Variants in ADAMTS2 observed in about 807,000 individuals in gnomAD.
ADAMTS2 encodes the protein ADAM metallopeptidase with thrombospondin type 1 motif 2, also known as A disintegrin and metalloproteinase with thrombospondin motifs 2.
Under a neutral mutation model 123.0 loss-of-function variants are expected in ADAMTS2, and 50 were observed. The observed-to-expected ratio is 0.41, with a 90% confidence interval of 0.32 to 0.51. The LOEUF (loss-of-function observed/expected upper bound fraction) is 0.51, where lower values mean the gene tolerates loss of function less well. Ranked by LOEUF, ADAMTS2 falls within the 20% of genes least tolerant of loss-of-function variation. The pLI is 0.35. For synonymous variants in ADAMTS2, 678 were observed against 695.4 expected, an observed-to-expected ratio of 0.98 and a Z score of 0.39; for missense variants, 1,494 against 1,705.2, an observed-to-expected ratio of 0.88 and a Z score of 2.18.
chr5:179,168,858 CAG>C (rs1259097313), intron 5 of ADAMTS2, among the ~76,000 whole-genome samples: 2 of 152,192 alleles, frequency 1.3e-5, no homozygotes, highest in East Asian at 1.9e-4. Flanking sequence ...CTCATCACGA[CAG>C]AGAACCACGA....
chr5:179,211,910 A>AT (rs559769607), intron 3 of ADAMTS2, among the ~76,000 whole-genome samples: 113 of 152,260 alleles, frequency 7.4e-4, no homozygotes, highest in African/African-American at 2.6e-3. Context: ...CACCATCAGC[A>AT]TATCGTCCTA....
At chr5:179,290,219 T>C (rs1756147353) in intron 2 of ADAMTS2, among the ~76,000 whole-genome samples, 1 of 152,190 alleles carries the variant, frequency 6.6e-6, no homozygotes. Context: ...AAGGGAATTC[T>C]TGCTCTGGAG....
rs148540488 is a variant in ADAMTS2, at chr5:179,206,866, T to C, written c.891+647A>G. 5.7e-3 allele frequency among the ~76,000 whole-genome samples: 867 copies of C among 152,290 alleles called. 7 individuals are homozygous for C. The highest frequency in any genetic ancestry group is 0.02 in the African/African-American group (822 of 41,550). ...TAATCTCTTAGTGTTAGGCAGACCA[T>C]GGGCAGGTGCCCAGAAGACGAAGGT... On this transcript the variant is annotated intron_variant, in intron 4 of 21. Coordinates refer to ENST00000251582, the MANE Select transcript of ADAMTS2 (RefSeq NM_014244.5).
intron 13 of ADAMTS2, among the ~76,000 whole-genome samples, chr5:179,134,724 C>A: frequency 6.7e-6 from 1 of 149,654 alleles, no homozygotes; most frequent in Non-Finnish European, 1.5e-5. Context: ...AGCACCCTCC[C>A]GGCTCCAGCT....
chr5:179,321,476 CA>C (rs1757172609), intron 2 of ADAMTS2, among the ~76,000 whole-genome samples: 1 of 152,170 alleles, frequency 6.6e-6, no homozygotes, highest in South Asian at 2.1e-4. Context: ...CCTGCCATCC[CA>C]ATTCCCTGAA....
At chr5:179,282,998 T>G (rs751508154) in intron 2 of ADAMTS2, among the ~76,000 whole-genome samples, 14 of 152,252 alleles carry the variant, frequency 9.2e-5, no homozygotes, top group Non-Finnish European at 1.5e-4. Flanking sequence ...GAGGGATGGC[T>G]TCAACCCTGC....
At chr5:179,209,561 A>ACACACATGCACACACACAC (rs1764803751) in intron 3 of ADAMTS2, among the ~76,000 whole-genome samples, 10 of 148,072 alleles carry the variant, frequency 6.8e-5, no homozygotes, top group Admixed American at 5.4e-4. Flanking sequence ...CACACACACA[A>ACACACATGCACACACACAC]GCACACACAT....
rs1201870362 is a variant in ADAMTS2 at position 179,115,401 on chromosome 5, A to G, written c.3179-1077T>C. Among the ~76,000 whole-genome samples, 1 of 152,180 alleles carries G rather than the reference A, an allele frequency of 6.6e-6. No homozygotes were observed. The highest frequency in any genetic ancestry group is 1.5e-5 in the Non-Finnish European group (1 of 68,044). On this transcript the variant is annotated intron_variant, in intron 21 of 21. Coordinates refer to ENST00000251582, the MANE Select transcript of ADAMTS2 (RefSeq NM_014244.5). This position sits in a 1 kb window ranked among gnomAD's most constrained non-coding sequence, Gnocchi z 4.4. ...TTCACTCAAGAAGAAAGAATAAGTC[A>G]TGTTACAGGAGATACTTGATCCAGT...
rs1428601369 is a variant in ADAMTS2 at position 179,273,004 on chromosome 5, C to T, written c.595G>A (p.Ala199Thr). ...CGGCCTTGCTCAGCCTCCTGCGCCG[C>T]CAGCCCCTTCTCCAAGGGTTCGATG... Reference protein sequence around the residue: ...FFIEPLEKGLAAQEAEQGRVH... With the variant: ...FFIEPLEKGLTAQEAEQGRVH... The change falls in exon 3 of 22, where the codon GCG becomes ACG. Residue 199 changes from alanine (A) to threonine (T), a missense_variant. Physicochemically the swap from Ala to Thr is moderately conservative, Grantham distance 58. Around this residue, in one of 6 missense-constraint regions of ADAMTS2, gnomAD observed 184 missense variants for 152.1 expected, o/e 1.21. Coordinates refer to ENST00000251582, the MANE Select transcript of ADAMTS2 (RefSeq NM_014244.5). 6.2e-7 allele frequency: 1 copy of T among 1,613,508 alleles called. No individual in the cohort carries two copies. The highest frequency in any genetic ancestry group is 1.1e-5 in the South Asian group (1 of 91,084).
Position 179,128,066 on chromosome 5 carries a change from T to C in ADAMTS2, c.2510A>G (p.His837Arg). ...RVSLTYKYMI[H>R]EDSLNVDDNN... ...GTCGTCGACATTCAGTGAGTCCTCA[T>C]GGATCATGTATTTGTACGTCAGTGA... The change falls in exon 17 of 22, where the codon CAT becomes CGT. Residue 837 changes from histidine to arginine, a missense_variant. His to Arg is a conservative substitution (Grantham distance 29). Transcript: ENST00000251582. This position sits in a 1 kb window ranked among gnomAD's most constrained non-coding sequence, Gnocchi z 4.9. The C allele has an allele frequency of 6.2e-7, 1 of 1,614,058 alleles. No individual in the cohort carries two copies. The highest frequency in any genetic ancestry group is 8.5e-7 in the Non-Finnish European group (1 of 1,180,028).
rs1290595849 is a variant in ADAMTS2, at chr5:179,170,398, T to TG, written c.975+10673dup. On this transcript the variant is annotated intron_variant, in intron 5 of 21. Coordinates refer to ENST00000251582, the MANE Select transcript of ADAMTS2 (RefSeq NM_014244.5). This position sits in a 1 kb window ranked among gnomAD's most constrained non-coding sequence, Gnocchi z 4.3. ...CATCCCCCAGAGTCTGTCCCCACCG[T>TG]GGGGGGGACAGCTCAGCCCCCTCCT... 2.0e-5 allele frequency among the ~76,000 whole-genome samples: 3 copies of TG among 151,974 alleles called. No individual in the cohort carries two copies. The highest frequency in any genetic ancestry group is 2.1e-4 in the South Asian group (1 of 4,796).
intron 4 of ADAMTS2, among the ~76,000 whole-genome samples, chr5:179,190,011 T>C (rs1430110076): frequency 1.3e-5 from 2 of 152,134 alleles, no homozygotes; most frequent in Non-Finnish European, 2.9e-5. Context: ...CAGATCACAA[T>C]GGTGGAATGC....
chr5:179,327,233 CT>C, intron 2 of ADAMTS2, among the ~76,000 whole-genome samples: 1 of 152,302 alleles, frequency 6.6e-6, no homozygotes, highest in East Asian at 1.9e-4. Flanking sequence ...AAACTCCGCC[CT>C]GCACAATGGG....
rs556856870 is a variant in ADAMTS2 at position 179,153,445 on chromosome 5, TC to T, written c.1515+45del. The T allele has an allele frequency of 6.6e-3, 10,481 of 1,599,930 alleles. 38 individuals are homozygous for T. The highest frequency in any genetic ancestry group is 0.015 in the Middle Eastern group (91 of 6,046). ...GGAGCTGCCCCTACACCAGCACGCC[TC>T]CCCCCAGACCTGGGAGGGTCCCGGC... is the stretch of plus-strand genomic sequence containing the variant. On this transcript the variant is annotated intron_variant, in intron 9 of 21. Transcript: ENST00000251582.
chr5:179,139,942 G>A lies in ADAMTS2; in HGVS notation c.1723C>T (p.Arg575Cys), dbSNP rs1212597027. 3.7e-6 allele frequency: 6 copies of A among 1,613,244 alleles called. No individual in the cohort carries two copies. The highest frequency in any genetic ancestry group is 1.3e-5 in the African/African-American group (1 of 74,918). ...GAWSPFGSCS[R>C]TCGTGVKFRT... The stretch of plus-strand genomic sequence containing the variant: ...AACTTCACGCCCGTGCCACAGGTAC[G>A]TGAGCAGGAGCCAAACGGACTCCAA... Residue 575 changes from arginine to cysteine, a missense_variant, in exon 11 of 22, where the codon CGT becomes TGT. Arg to Cys is a radical substitution (Grantham distance 180). Around this residue, in one of 6 missense-constraint regions of ADAMTS2, gnomAD observed 953 missense variants for 1,124.7 expected, o/e 0.85. Coordinates refer to ENST00000251582, the MANE Select transcript of ADAMTS2 (RefSeq NM_014244.5).
Position 179,189,757 on chromosome 5 carries a change from T to C in ADAMTS2, c.892-8602A>G, listed in dbSNP as rs906059022. On this transcript the variant is annotated intron_variant, in intron 4 of 21. Coordinates refer to ENST00000251582, the MANE Select transcript of ADAMTS2 (RefSeq NM_014244.5). This position sits in a 1 kb window ranked among gnomAD's most constrained non-coding sequence, Gnocchi z 4.2. ...CTTCTTAAGGTAGGGGGGGACAATA[T>C]TACAAAGTATCTTCTTAAGGATGGG... Among the ~76,000 whole-genome samples the C allele has an allele frequency of 6.0e-5, 9 of 149,696 alleles. No homozygotes were observed. The highest frequency in any genetic ancestry group is 2.2e-4 in the African/African-American group (9 of 40,488).
intron 3 of ADAMTS2, among the ~76,000 whole-genome samples, chr5:179,259,567 C>T (rs1008785199): frequency 1.1e-4 from 17 of 152,140 alleles, no homozygotes; most frequent in Admixed American, 6.5e-5. Context: ...TCCAGCCCGA[C>T]GGCATCCCCA....
At chr5:179,136,483 T>C (rs575635569) in intron 12 of ADAMTS2, among the ~76,000 whole-genome samples, 3 of 150,964 alleles carry the variant, frequency 2.0e-5, no homozygotes, top group East Asian at 3.9e-4. Flanking sequence ...CTGGCCAACA[T>C]GGTGAAACCC....
At chr5:179,121,848 G>C (rs1409528600) in intron 20 of ADAMTS2, 98 bp from the exon 21 acceptor site, 1 of 785,272 alleles carries the variant, frequency 1.3e-6, no homozygotes, top group East Asian at 2.9e-5. Context: ...CTGGGGAAGC[G>C]TCATTCAAGG....
Sources: allele counts gnomAD v4.1 joint callset (sites outside exome capture counted in the v4.1 genomes callset), GRCh38; gene constraint gnomAD v4.1.1; regional missense constraint gnomAD v4.1.1; non-coding constraint Gnocchi (gnomAD v3.1); transcripts MANE v1.5; gene names NCBI Gene and HGNC (gene_info 2026-07-23, HGNC 2026-07-21).